NEK11: variants seen among roughly 807,000 people sequenced by gnomAD.
NEK11 encodes the protein serine/threonine-protein kinase Nek11.
In NEK11, 72 loss-of-function variants were observed where a neutral mutation model predicts 80.7. The ratio of observed to expected loss-of-function variants is 0.89; its 90% CI spans 0.74 to 1.08. The LOEUF (loss-of-function observed/expected upper bound fraction) is 1.08, where lower values mean the gene tolerates loss of function less well. Ranked by LOEUF, NEK11 falls within the 50% of genes least tolerant of loss-of-function variation. NEK11 has a pLI of 0.00. For missense variants in NEK11, 764 were observed against 763.6 expected, an observed-to-expected ratio of 1.00 and a Z score of -0.01; for synonymous variants, 251 against 260.7, an observed-to-expected ratio of 0.96 and a Z score of 0.36.
intron 5 of NEK11, among the ~76,000 whole-genome samples, chr3:131,130,844 C>G (rs773167138): frequency 6.6e-6 from 1 of 152,150 alleles, no homozygotes; most frequent in Non-Finnish European, 1.5e-5. Context: ...CTCTGTCACC[C>G]AGGCTGGAGT....
At chr3:131,028,247 C>T (rs558671277) in intron 2 of NEK11, among the ~76,000 whole-genome samples, 1 of 152,252 alleles carries the variant, frequency 6.6e-6, no homozygotes, top group East Asian at 1.9e-4. Context: ...TGGGCATTTA[C>T]TTATGTTCTG....
intron 4 of NEK11, 112 bp from the exon 5 acceptor site, chr3:131,109,691 C>T: frequency 9.2e-7 from 1 of 1,086,036 alleles, no homozygotes; most frequent in Non-Finnish European, 1.3e-6. Context: ...GTGATAATTA[C>T]AGAATGGCAC....
Position 131,350,067 on chromosome 3 carries a change from G to A in NEK11, c.*291G>A, listed in dbSNP as rs929394069. The A allele has an allele frequency of 2.9e-6, 1 of 345,754 alleles. No individual in the cohort carries two copies. Among genetic ancestry groups the A allele is most frequent in the Admixed American group, 4.5e-5 (1 of 22,062 alleles). The allele number at this position is 345,754 out of a possible 1,614,324, so 21.4% of individuals were successfully genotyped here. Reference sequence around the variant, plus strand: ...CGCCCTCAGGGCTTCCAGCAGGATTGAGTCACCCTGACGATGACCGGGGAG... The same window carrying A: ...CGCCCTCAGGGCTTCCAGCAGGATTAAGTCACCCTGACGATGACCGGGGAG... On this transcript the variant is annotated 3_prime_UTR_variant, in exon 18 of 18. Transcript: ENST00000383366.
chr3:131,288,769 T>C (rs769840423), intron 17 of NEK11, among the ~76,000 whole-genome samples: 18 of 152,184 alleles, frequency 1.2e-4, no homozygotes, highest in Non-Finnish European at 2.4e-4. Context: ...TATGCATTTC[T>C]GTGTTAATCT....
intron 3 of NEK11, among the ~76,000 whole-genome samples, chr3:131,070,877 A>G (rs2073159046): frequency 6.6e-6 from 1 of 152,154 alleles, no homozygotes; most frequent in African/African-American, 2.4e-5. Flanking sequence ...ACCTTGGATA[A>G]ATTGCTTAAT....
intron 10 of NEK11, among the ~76,000 whole-genome samples, chr3:131,160,268 C>T (rs2091356498): frequency 6.6e-6 from 1 of 152,108 alleles, no homozygotes; most frequent in African/African-American, 2.4e-5. Context: ...GATTGGGGGC[C>T]AACATTCAAC....
intron 14 of NEK11, among the ~76,000 whole-genome samples, chr3:131,186,177 C>T (rs1044445021): frequency 1.3e-5 from 2 of 152,138 alleles, no homozygotes; most frequent in African/African-American, 2.4e-5. Context: ...CTTTAATCAC[C>T]AGGAAACCTT....
intron 15 of NEK11, among the ~76,000 whole-genome samples, chr3:131,238,431 C>T (rs1243130530): frequency 1.3e-5 from 2 of 152,012 alleles, no homozygotes; most frequent in Admixed American, 6.6e-5. Flanking sequence ...TTGTGGAATA[C>T]GTGAATGAAT....
intron 14 of NEK11, among the ~76,000 whole-genome samples, chr3:131,193,838 A>C (rs2093896489): frequency 6.6e-6 from 1 of 152,196 alleles, no homozygotes. Context: ...GAGAGTTTCT[A>C]AATGAATCAG....
chr3:131,096,947 C>G (rs1249417239), intron 4 of NEK11, among the ~76,000 whole-genome samples: 1 of 140,594 alleles, frequency 7.1e-6, no homozygotes, highest in African/African-American at 2.7e-5. Context: ...CATGTGTTCT[C>G]ATTGTTCAAT....
intron 3 of NEK11, among the ~76,000 whole-genome samples, chr3:131,032,877 G>A (rs907290057): frequency 6.6e-6 from 1 of 152,132 alleles, no homozygotes; most frequent in Non-Finnish European, 1.5e-5. Context: ...AATAATTAAA[G>A]GAAGCCTAAG....
chr3:131,204,163 C>T (rs1274162062), intron 14 of NEK11, among the ~76,000 whole-genome samples: 1 of 152,062 alleles, frequency 6.6e-6, no homozygotes, highest in African/African-American at 2.4e-5. Context: ...ATGGAGTTTG[C>T]CCAGATTCTG....
Position 131,080,511 on chromosome 3 carries a change from G to T in NEK11, c.259G>T (p.Asp87Tyr), listed in dbSNP as rs2075091081. 1 of 1,614,036 alleles carries T rather than the reference G, an allele frequency of 6.2e-7. No homozygotes were observed. Among genetic ancestry groups the T allele is most frequent in the Non-Finnish European group, 8.5e-7 (1 of 1,179,988 alleles). Residue 87 changes from aspartate (D) to tyrosine (Y), a missense_variant, in exon 4 of 18, where the codon GAC (aspartate) becomes TAC (tyrosine). Coordinates refer to ENST00000383366, the MANE Select transcript of NEK11 (RefSeq NM_024800.5). ...NLEAQLLSKL[D>Y]HPAIVKFHAS... Reference sequence around the variant, plus strand: ...GGAAGCCCAACTCCTCTCCAAGCTGGACCACCCAGCCATTGTCAAGTTCCA... The same window carrying T: ...GGAAGCCCAACTCCTCTCCAAGCTGTACCACCCAGCCATTGTCAAGTTCCA...
At position 131,084,662 on chromosome 3, in the gene NEK11, G is replaced by A. The variant is rs2075746626; in HGVS notation, c.336+4074G>A. Among the ~76,000 whole-genome samples, 3 of 152,204 alleles carry A rather than the reference G, an allele frequency of 2.0e-5. No homozygotes were observed. In the South Asian group the frequency reaches 6.2e-4, roughly 32 times the overall value. On this transcript the variant is annotated intron_variant, in intron 4 of 17. Coordinates refer to ENST00000383366, the MANE Select transcript of NEK11 (RefSeq NM_024800.5). The stretch of plus-strand genomic sequence containing the variant: ...TATGATAGGGAAAAAGGCAGGAAAT[G>A]TTGGACTTCTCTATTTTCTGCTTGG...
At chr3:131,032,202 TC>T (rs369573257) in intron 3 of NEK11, among the ~76,000 whole-genome samples, 5 of 152,304 alleles carry the variant, frequency 3.3e-5, no homozygotes, top group African/African-American at 1.2e-4. Flanking sequence ...CCTCAGGTGA[TC>T]CTCTTGCCTT....
chr3:131,284,505 A>T (rs1178012200), intron 17 of NEK11, among the ~76,000 whole-genome samples: 1 of 152,170 alleles, frequency 6.6e-6, no homozygotes, highest in African/African-American at 2.4e-5. Flanking sequence ...ACTCCCTGTG[A>T]TGGTTAAGTG....
chr3:131,298,389 T>G (rs569274514), intron 17 of NEK11, among the ~76,000 whole-genome samples: 25 of 152,318 alleles, frequency 1.6e-4, no homozygotes, highest in African/African-American at 5.5e-4. Context: ...ACGTCCCTTG[T>G]AAGTTGGATT....
intron 9 of NEK11, among the ~76,000 whole-genome samples, chr3:131,154,640 G>A (rs1399520905): frequency 1.3e-5 from 2 of 151,960 alleles, no homozygotes; most frequent in African/African-American, 4.8e-5. Context: ...GAGTTTTTTG[G>A]TGCCCTCTTA....
At chr3:131,066,603 G>A (rs906073580) in intron 3 of NEK11, among the ~76,000 whole-genome samples, 10 of 152,174 alleles carry the variant, frequency 6.6e-5, no homozygotes, top group Admixed American at 4.6e-4. Flanking sequence ...AGAGGTCAAG[G>A]CGGGCTGATC....
Sources: gnomAD v4.1 joint callset for allele counts (sites outside exome capture counted in the v4.1 genomes callset) on GRCh38, gnomAD v4.1.1 for gene constraint, MANE v1.5 for transcripts, NCBI Gene and HGNC (gene_info 2026-07-23, HGNC 2026-07-21) for gene names.